Variants in PRKCE observed in about 807,000 individuals in gnomAD.
The protein encoded by PRKCE is protein kinase C epsilon type.
PRKCE carries 16 observed loss-of-function variants against 85.4 expected under a neutral mutation model. That is an observed-to-expected ratio of 0.19 (90% CI 0.13 to 0.28). The LOEUF (loss-of-function observed/expected upper bound fraction) is 0.28, where lower values mean the gene tolerates loss of function less well. PRKCE is among the 10% of genes least tolerant of loss of function. The probability of loss-of-function intolerance (pLI) is 1.00; values close to 1 mark genes in which losing one functional copy is unlikely to be tolerated. For synonymous variants in PRKCE, 388 were observed against 371.5 expected (o/e 1.04, Z -0.51); for missense variants, 573 against 975.2 (o/e 0.59, Z 5.49).
intron 2 of PRKCE, among the ~76,000 whole-genome samples, chr2:45,926,236 T>A (rs1233627037): frequency 6.6e-6 from 1 of 152,158 alleles, no homozygotes. Flanking sequence ...GGCTGGCTAA[T>A]TTTGAATTTT....
rs114318850 is a variant in PRKCE at position 45,767,294 on chromosome 2, A to G, written c.349-75706A>G. On this transcript the variant is annotated intron_variant, in intron 1 of 14. Coordinates refer to ENST00000306156, the MANE Select transcript of PRKCE (RefSeq NM_005400.3). ...GAAACTTTTTAAAAAAAGGAACAAG[A>G]AAGTAAAAAATCTGCACAGCAATGG... Among the ~76,000 whole-genome samples, 526 of 152,358 alleles carry G rather than the reference A, an allele frequency of 3.5e-3. 5 individuals are homozygous for G. The highest frequency in any genetic ancestry group is 0.012 in the African/African-American group (499 of 41,582).
In PRKCE at chr2:46,123,686, A is replaced by G. The variant is rs540481895; in HGVS notation, c.1593-21407A>G. On this transcript the variant is annotated intron_variant, in intron 11 of 14. Transcript: ENST00000306156. Reference sequence around the variant, plus strand: ...GTATTAGTAGAGATAGGGTTTTGCCATGTTGACCAGGCTGGTATCAAACTC... The same window carrying G: ...GTATTAGTAGAGATAGGGTTTTGCCGTGTTGACCAGGCTGGTATCAAACTC... 1.4e-4 allele frequency among the ~76,000 whole-genome samples: 22 copies of G among 152,242 alleles called. No homozygotes were observed. In the Middle Eastern group the frequency reaches 0.014, roughly 94 times the overall value.
At chr2:46,071,045 C>T (rs1253941820) in intron 10 of PRKCE, among the ~76,000 whole-genome samples, 1 of 152,192 alleles carries the variant, frequency 6.6e-6, no homozygotes, top group African/African-American at 2.4e-5. Flanking sequence ...TAGGTCTCAT[C>T]ACTGTTCTCT....
At chr2:45,997,263 A>G (rs1268840787) in intron 6 of PRKCE, among the ~76,000 whole-genome samples, 1 of 151,992 alleles carries the variant, frequency 6.6e-6, no homozygotes, top group Non-Finnish European at 1.5e-5. Context: ...ACAAAGAACC[A>G]GCTTTTTGTT....
At chr2:45,863,671 T>C (rs892386239) in intron 2 of PRKCE, among the ~76,000 whole-genome samples, 6 of 152,068 alleles carry the variant, frequency 3.9e-5, no homozygotes, top group African/African-American at 1.4e-4. Flanking sequence ...GCTCATTCTG[T>C]TCAGGATGCA....
chr2:45,861,765 A>G lies in PRKCE; in HGVS notation c.412+18702A>G, dbSNP rs898943847. 3.3e-5 allele frequency among the ~76,000 whole-genome samples: 5 copies of G among 152,234 alleles called. No individual in the cohort carries two copies. In the South Asian group the frequency reaches 1.0e-3, roughly 32 times the overall value. ...AGGTAGTGCACAAAGTGCCAGGTCA[A>G]AACAGCAGAATATTGAAGGCAAGGT... On this transcript the variant is annotated intron_variant, in intron 2 of 14. Coordinates refer to ENST00000306156, the MANE Select transcript of PRKCE (RefSeq NM_005400.3).
intron 2 of PRKCE, among the ~76,000 whole-genome samples, chr2:45,920,044 A>G (rs939753165): frequency 2.6e-5 from 4 of 152,310 alleles, no homozygotes; most frequent in Admixed American, 6.5e-5. Context: ...CCATGTCTGT[A>G]CATGTATTTG....
At chr2:46,117,984 C>T (rs1672943152) in intron 11 of PRKCE, among the ~76,000 whole-genome samples, 1 of 151,666 alleles carries the variant, frequency 6.6e-6, no homozygotes, top group South Asian at 2.1e-4. Flanking sequence ...TTCAAAATGG[C>T]ATTTGTTCAC....
At chr2:45,772,464 G>T (rs1685417565) in intron 1 of PRKCE, among the ~76,000 whole-genome samples, 1 of 152,110 alleles carries the variant, frequency 6.6e-6, no homozygotes, top group Non-Finnish European at 1.5e-5. Flanking sequence ...AATAAATACT[G>T]TATATCTCCT....
intron 1 of PRKCE, among the ~76,000 whole-genome samples, chr2:45,710,302 A>G (rs138013231): frequency 2.6e-3 from 390 of 152,364 alleles, no homozygotes; most frequent in South Asian, 6.6e-3. Flanking sequence ...GTAAAGCAAG[A>G]GGCCAAGCTG....
chr2:45,944,157 C>T (rs2595197), intron 2 of PRKCE, among the ~76,000 whole-genome samples: 24,870 of 152,192 alleles, frequency 0.16, 2,751 homozygotes, highest in East Asian at 0.55. Flanking sequence ...CTTTTAGGCC[C>T]GAATCACTTC....
In PRKCE at chr2:45,686,933, G is replaced by A. The variant is rs540279237; in HGVS notation, c.348+34485G>A. Among the ~76,000 whole-genome samples, 4 of 152,068 alleles carry A rather than the reference G, an allele frequency of 2.6e-5. No homozygotes were observed. In the East Asian group the frequency reaches 7.7e-4, roughly 29 times the overall value. Reference sequence around the variant, plus strand: ...TGGCCTTCTGGAAAAACAAAAATTGGATCTATACCTAGTTTCTTCTGCCAA... The same window carrying A: ...TGGCCTTCTGGAAAAACAAAAATTGAATCTATACCTAGTTTCTTCTGCCAA... On this transcript the variant is annotated intron_variant, in intron 1 of 14. Coordinates refer to ENST00000306156, the MANE Select transcript of PRKCE (RefSeq NM_005400.3).
intron 2 of PRKCE, among the ~76,000 whole-genome samples, chr2:45,860,731 C>T (rs1436591769): frequency 2.0e-5 from 3 of 152,136 alleles, no homozygotes; most frequent in African/African-American, 7.2e-5. Context: ...CCACTTTGGC[C>T]AGTGCTCTCT....
At chr2:45,730,500 C>T (rs1273437175) in intron 1 of PRKCE, among the ~76,000 whole-genome samples, 3 of 149,274 alleles carry the variant, frequency 2.0e-5, no homozygotes, top group Non-Finnish European at 3.0e-5. Context: ...CACCCTGTTG[C>T]CCAGGCTCGA....
Position 45,984,692 on chromosome 2 carries a change from C to G in PRKCE, c.823+12C>G. The G allele has an allele frequency of 6.3e-7, 1 of 1,594,268 alleles. No individual in the cohort carries two copies. The highest frequency in any genetic ancestry group is 8.5e-7 in the Non-Finnish European group (1 of 1,175,818). ...TTTGCAGTGTAAAGGTAAGTTGCTC[C>G]CTGCCCTGCCCTCAGCCCCTGCATG... On this transcript the variant is annotated intron_variant, in intron 6 of 14. Transcript: ENST00000306156.
At position 46,169,205 on chromosome 2, in the gene PRKCE, G is replaced by A. The variant is rs567856290; in HGVS notation, c.2067+9453G>A. On this transcript the variant is annotated intron_variant, in intron 14 of 14. Coordinates refer to ENST00000306156, the MANE Select transcript of PRKCE (RefSeq NM_005400.3). ...TGGGGAATCCAGTTTTGCACTTGGG[G>A]GATCAGTGCCTTCTTACCTTCCCAT... Among the ~76,000 whole-genome samples, 6 of 152,312 alleles carry A rather than the reference G, an allele frequency of 3.9e-5. No homozygotes were observed. In the South Asian group the frequency reaches 6.2e-4, roughly 16 times the overall value.
At chr2:45,822,532 G>A (rs943143279) in intron 1 of PRKCE, among the ~76,000 whole-genome samples, 15 of 152,238 alleles carry the variant, frequency 9.9e-5, no homozygotes, top group African/African-American at 3.6e-4. Context: ...CCATCCCCAA[G>A]TCTGCACAGT....
At chr2:46,023,203 TG>T (rs1706830197) in intron 10 of PRKCE, among the ~76,000 whole-genome samples, 1 of 152,192 alleles carries the variant, frequency 6.6e-6, no homozygotes, top group South Asian at 2.1e-4. Flanking sequence ...GTTGGCCAAC[TG>T]TTTGTGAAAC....
Position 45,908,845 on chromosome 2 carries a change from G to A in PRKCE, c.412+65782G>A, listed in dbSNP as rs530446084. 6.6e-4 allele frequency among the ~76,000 whole-genome samples: 101 copies of A among 152,238 alleles called. 2 individuals are homozygous for A. Among genetic ancestry groups the A allele is most frequent in the Middle Eastern group, 3.4e-3 (1 of 294 alleles). On this transcript the variant is annotated intron_variant, in intron 2 of 14. Coordinates refer to ENST00000306156, the MANE Select transcript of PRKCE (RefSeq NM_005400.3). ...CCAGGGTGGGCAAAACCACAGAGAT[G>A]GGGGCAGACAGGCTGTACAGTGGGC...
Sources: gnomAD v4.1 joint callset for allele counts (sites outside exome capture counted in the v4.1 genomes callset) on GRCh38, gnomAD v4.1.1 for gene constraint, MANE v1.5 for transcripts, NCBI Gene and HGNC (gene_info 2026-07-23, HGNC 2026-07-21) for gene names.